The following RGS5 variants were observed in gnomAD, a reference collection of about 807,000 sequenced individuals.
RGS5 encodes the protein regulator of G-protein signalling 5.
A neutral mutation model predicts 18.9 loss-of-function variants in RGS5; 20 were observed. The observed-to-expected ratio is 1.06, with a 90% CI of 0.74 to 1.54. The LOEUF (loss-of-function observed/expected upper bound fraction) is 1.54. RGS5 is among the 40% of genes most tolerant of loss of function. RGS5 has a pLI of 0.00. For missense variants in RGS5, 201 were observed against 211.8 expected, an observed-to-expected ratio of 0.95 and a Z score of 0.32; for synonymous variants, 57 against 76.2, an observed-to-expected ratio of 0.75 and a Z score of 1.31.
intron 2 of RGS5, among the ~76,000 whole-genome samples, chr1:163,283,430 C>A (rs773862216): frequency 2.0e-5 from 3 of 152,058 alleles, no homozygotes; most frequent in African/African-American, 7.2e-5. Flanking sequence ...TTATGTGTCA[C>A]CTAAAATGGA....
chr1:163,147,333 G>C lies in RGS5; in HGVS notation c.*9C>G, dbSNP rs1299711271. The C allele has an allele frequency of 6.3e-7, 1 of 1,578,284 alleles. No individual in the cohort carries two copies. Among genetic ancestry groups the C allele is most frequent in the African/African-American group, 1.4e-5 (1 of 73,062 alleles). On this transcript the variant is annotated 3_prime_UTR_variant, in exon 5 of 5. Transcript: ENST00000313961. ...ACTCACAGGATGATTTCATAGCCTG[G>C]CTAAATTACTACTTGATTAACTCCT...
intron 3 of RGS5, among the ~76,000 whole-genome samples, chr1:163,156,010 T>C (rs891524994): frequency 4.6e-5 from 7 of 152,076 alleles, no homozygotes; most frequent in African/African-American, 1.4e-4. Flanking sequence ...AAAACACCTA[T>C]AAAATCACTT....
At chr1:163,230,953 T>C (rs1248322324) in intron 2 of RGS5, among the ~76,000 whole-genome samples, 1 of 152,152 alleles carries the variant, frequency 6.6e-6, no homozygotes, top group East Asian at 1.9e-4. Flanking sequence ...ACTTTTCCCA[T>C]TATTGATTAT....
At chr1:163,264,751 T>C (rs965868042) in intron 2 of RGS5, among the ~76,000 whole-genome samples, 3 of 152,152 alleles carry the variant, frequency 2.0e-5, no homozygotes, top group African/African-American at 7.2e-5. Flanking sequence ...AGAGTCATTA[T>C]ATTTCCCTAT....
At chr1:163,245,942 G>A (rs749196809) in intron 2 of RGS5, among the ~76,000 whole-genome samples, 1 of 152,228 alleles carries the variant, frequency 6.6e-6, no homozygotes, top group African/African-American at 2.4e-5. Context: ...CAGTCCGGGG[G>A]CTGTGGCTCA....
chr1:163,219,933 T>C (rs535783806), upstream of RGS5, among the ~76,000 whole-genome samples: 11 of 152,304 alleles, frequency 7.2e-5, no homozygotes, highest in African/African-American at 2.6e-4. Flanking sequence ...TACATATACC[T>C]AGGATTGGTA....
intron 2 of RGS5, among the ~76,000 whole-genome samples, chr1:163,228,626 T>C (rs974521463): frequency 3.9e-5 from 6 of 152,234 alleles, no homozygotes; most frequent in Non-Finnish European, 8.8e-5. Context: ...TGATTACTTA[T>C]GTAAATTTCT....
intron 4 of RGS5, among the ~76,000 whole-genome samples, chr1:163,147,904 G>C (rs1657204266): frequency 1.2e-5 from 1 of 83,280 alleles, no homozygotes; most frequent in African/African-American, 5.2e-5. Context: ...GTGTCCTGGT[G>C]CTTTTTTCTT....
At chr1:163,217,724 G>A (rs1660249675), upstream of RGS5, 7 of 1,265,340 alleles carry the variant, frequency 5.5e-6, no homozygotes, top group Non-Finnish European at 7.3e-6. Flanking sequence ...ACATTGTTGA[G>A]CTACTGACTA....
chr1:163,197,869 G>A (rs1394482834), intron 1 of RGS5, among the ~76,000 whole-genome samples: 1 of 152,114 alleles, frequency 6.6e-6, no homozygotes, highest in Non-Finnish European at 1.5e-5. Context: ...TTCCAATTGA[G>A]CTATCAGTTG....
chr1:163,214,868 T>C (rs1425910578), intron 1 of RGS5, among the ~76,000 whole-genome samples: 1 of 152,200 alleles, frequency 6.6e-6, no homozygotes, highest in Admixed American at 6.5e-5. Flanking sequence ...TTTTGTTTTT[T>C]CCAAGATTCT....
chr1:163,300,700 A>T (rs1649531236), intron 2 of RGS5: 1 of 152,172 alleles, frequency 6.6e-6, no homozygotes, highest in African/African-American at 2.4e-5. Flanking sequence ...ATCTGAAATA[A>T]ATTTGAGAGT....
intron 2 of RGS5, among the ~76,000 whole-genome samples, chr1:163,282,146 C>T (rs1278949550): frequency 1.3e-5 from 2 of 151,984 alleles, no homozygotes; most frequent in African/African-American, 4.8e-5. Flanking sequence ...CATGAAGAGA[C>T]AACTTGTAGA....
At chr1:163,260,498 C>G (rs1202722819) in intron 2 of RGS5, 2 of 152,036 alleles carry the variant, frequency 1.3e-5, no homozygotes, top group African/African-American at 4.8e-5. Context: ...ACTTTACAGA[C>G]TCAGCAGGGG....
At chr1:163,236,368 T>C (rs1020366879) in intron 2 of RGS5, among the ~76,000 whole-genome samples, 1 of 147,048 alleles carries the variant, frequency 6.8e-6, no homozygotes, top group African/African-American at 2.4e-5. Context: ...GTGGTGTTTC[T>C]GAGTGAATTA....
chr1:163,306,363 C>G (rs1209244686), intron 1 of RGS5: 3 of 152,168 alleles, frequency 2.0e-5, no homozygotes. Context: ...ATGTACTCAG[C>G]ATGTTGCACT....
chr1:163,171,790 G>A (rs901138206), intron 1 of RGS5, among the ~76,000 whole-genome samples: 4 of 152,180 alleles, frequency 2.6e-5, no homozygotes, highest in Non-Finnish European at 4.4e-5. Flanking sequence ...CAGGCAGTAT[G>A]CAGTAAATAT....
chr1:163,184,889 T>C (rs1571257954), intron 1 of RGS5, among the ~76,000 whole-genome samples: 1 of 152,234 alleles, frequency 6.6e-6, no homozygotes, highest in East Asian at 1.9e-4. Context: ...TTCATGTTGC[T>C]TTAAGTGACT....
In RGS5 at chr1:163,143,270, T is replaced by C. The variant is rs1656995787; in HGVS notation, c.*4072A>G. ...ATGAAGAGACTATAAGCCAGAGAGG[T>C]TTAATAGCAGTTGAGCCAGCATAAA... On this transcript the variant is annotated 3_prime_UTR_variant, in exon 5 of 5. Coordinates refer to ENST00000313961, the MANE Select transcript of RGS5 (RefSeq NM_003617.4). 1.3e-5 allele frequency: 2 copies of C among 151,916 alleles called. No homozygotes were observed. 9.4% of individuals were successfully genotyped at this position (151,916 alleles called of 1,614,324 possible).
Sources: allele counts gnomAD v4.1 joint callset (sites outside exome capture counted in the v4.1 genomes callset), GRCh38; gene constraint gnomAD v4.1.1; transcripts MANE v1.5; gene names NCBI Gene and HGNC (gene_info 2026-07-23, HGNC 2026-07-21).